The following RHBDD1 variants were observed in gnomAD, a reference collection of about 807,000 sequenced individuals.
RHBDD1 encodes rhomboid domain containing 1.
A neutral mutation model predicts 36.3 loss-of-function variants in RHBDD1; 38 were observed. The ratio of observed to expected loss-of-function variants is 1.05; its 90% CI spans 0.81 to 1.37. RHBDD1 has a LOEUF of 1.37. RHBDD1 is among the 40% of genes most tolerant of loss of function. RHBDD1 has a pLI of 0.00. For missense variants in RHBDD1, 393 were observed against 377.6 expected (o/e 1.04, Z -0.34); for synonymous variants, 151 against 136.5 (o/e 1.11, Z -0.74).
intron 8 of RHBDD1, among the ~76,000 whole-genome samples, chr2:226,990,038 T>G (rs1957832546): frequency 6.6e-6 from 1 of 152,228 alleles, no homozygotes; most frequent in Non-Finnish European, 1.5e-5. Context: ...AAACCAAAAC[T>G]GAAATTTCCA....
the RHBDD1 span, among the ~76,000 whole-genome samples, chr2:226,815,946 TTTA>T: frequency 1.3e-5 from 2 of 152,240 alleles, no homozygotes; most frequent in African/African-American, 4.8e-5. Context: ...ACAGAATCTA[TTTA>T]TTGCTTTAGG....
the RHBDD1 span, among the ~76,000 whole-genome samples, chr2:226,802,661 A>G: frequency 6.6e-6 from 1 of 152,198 alleles, no homozygotes; most frequent in Admixed American, 6.5e-5. Context: ...ACGGAACAGA[A>G]GAACAAGCTA....
At chr2:226,869,790 T>C (rs1944635154) in intron 5 of RHBDD1, among the ~76,000 whole-genome samples, 1 of 152,164 alleles carries the variant, frequency 6.6e-6, no homozygotes, top group African/African-American at 2.4e-5. Context: ...GTTGCTCTGC[T>C]TCACATCCGG....
intron 7 of RHBDD1, among the ~76,000 whole-genome samples, chr2:226,910,015 G>T (rs1178067812): frequency 6.6e-6 from 1 of 152,196 alleles, no homozygotes; most frequent in Non-Finnish European, 1.5e-5. Context: ...AAAGCTGCCA[G>T]AGACAATATG....
At chr2:226,897,131 C>T (rs1413950150) in intron 5 of RHBDD1, among the ~76,000 whole-genome samples, 2 of 152,200 alleles carry the variant, frequency 1.3e-5, no homozygotes, top group Non-Finnish European at 2.9e-5. Flanking sequence ...CCAAATTCTT[C>T]CTGCCTCAAG....
At chr2:226,982,161 C>T (rs2149446706) in intron 8 of RHBDD1, among the ~76,000 whole-genome samples, 1 of 152,374 alleles carries the variant, frequency 6.6e-6, no homozygotes, top group Admixed American at 6.5e-5. Flanking sequence ...GGGAGGTTCC[C>T]AGTGATTCCC....
rs558516349 is a variant in RHBDD1 at position 226,891,403 on chromosome 2, C to T, written c.567-15390C>T. On this transcript the variant is annotated intron_variant, in intron 5 of 8. Transcript: ENST00000392062. Reference sequence around the variant, plus strand: ...GAGTCTGCTAGTGAGGCAGAAATTACAGTCTTATGTAATATTAATAGCATA... The same window carrying T: ...GAGTCTGCTAGTGAGGCAGAAATTATAGTCTTATGTAATATTAATAGCATA... 9.8e-5 allele frequency among the ~76,000 whole-genome samples: 15 copies of T among 152,354 alleles called. No individual in the cohort carries two copies. The South Asian group carries it at 3.1e-3, about 32-fold the overall frequency.
intron 5 of RHBDD1, among the ~76,000 whole-genome samples, chr2:226,874,159 G>A (rs1574903984): frequency 6.6e-6 from 1 of 152,122 alleles, no homozygotes; most frequent in Admixed American, 6.6e-5. Flanking sequence ...CTTGACACAT[G>A]AGGAGTATAT....
chr2:226,812,239 T>TA, the RHBDD1 span, among the ~76,000 whole-genome samples: 1 of 152,120 alleles, frequency 6.6e-6, no homozygotes, highest in Admixed American at 6.5e-5. Flanking sequence ...AAACTGACTT[T>TA]AAAAAAATGG....
intron 5 of RHBDD1, among the ~76,000 whole-genome samples, chr2:226,876,359 G>A (rs920926410): frequency 2.0e-5 from 3 of 152,210 alleles, no homozygotes; most frequent in African/African-American, 7.2e-5. Flanking sequence ...GCAGCCTCAC[G>A]GGAGAGCAGT....
intron 8 of RHBDD1, among the ~76,000 whole-genome samples, chr2:226,923,348 C>T (rs1001459844): frequency 9.2e-5 from 14 of 152,088 alleles, no homozygotes; most frequent in African/African-American, 3.4e-4. Flanking sequence ...ATGCCATTCT[C>T]TCCTTGCCTG....
chr2:226,885,219 CTT>C (rs1021312037), intron 5 of RHBDD1, among the ~76,000 whole-genome samples: 3 of 152,054 alleles, frequency 2.0e-5, no homozygotes, highest in African/African-American at 7.2e-5. Context: ...TTTACATAAA[CTT>C]TTGATGGGGC....
intron 8 of RHBDD1, among the ~76,000 whole-genome samples, chr2:226,939,100 A>G (rs1950517721): frequency 6.6e-6 from 1 of 152,234 alleles, no homozygotes; most frequent in South Asian, 2.1e-4. Context: ...AAAAACTGTC[A>G]ATAAACTAGG....
At chr2:226,956,145 C>CCT (rs909868501) in intron 8 of RHBDD1, among the ~76,000 whole-genome samples, 1 of 152,112 alleles carries the variant, frequency 6.6e-6, no homozygotes, top group African/African-American at 2.4e-5. Flanking sequence ...TACCATTGAA[C>CCT]CTCACACTGT....
rs141821983 is a variant in RHBDD1 at position 226,928,546 on chromosome 2, A to T, written c.856+14195A>T. Among the ~76,000 whole-genome samples the T allele has an allele frequency of 2.4e-3, 358 of 152,220 alleles. 4 individuals are homozygous for T. Among genetic ancestry groups the T allele is most frequent in the African/African-American group, 8.2e-3 (341 of 41,570 alleles). On this transcript the variant is annotated intron_variant, in intron 8 of 8. Transcript: ENST00000392062. ...TTATAGGGCTAAATGCCTACATCAG[A>T]AAGTCTGAAAGATCACAAATTGACA...
At chr2:226,848,925 C>G (rs1447950012) in intron 3 of RHBDD1, among the ~76,000 whole-genome samples, 2 of 152,112 alleles carry the variant, frequency 1.3e-5, no homozygotes, top group African/African-American at 2.4e-5. Context: ...TACAGATTAA[C>G]TAGTAATGTG....
Position 226,867,517 on chromosome 2 carries a change from G to C in RHBDD1, c.566+199G>C, listed in dbSNP as rs1035606473. On this transcript the variant is annotated intron_variant, in intron 5 of 8. Transcript: ENST00000392062. The stretch of plus-strand genomic sequence containing the variant: ...TTCAACTATTAAGCTGTATAATTTT[G>C]GGTCACTTGTCTTAACTGAGTTGCA... 11 of 901,886 alleles carry C rather than the reference G, an allele frequency of 1.2e-5. No homozygotes were observed. In the Admixed American group the frequency reaches 5.6e-4, roughly 46 times the overall value. The allele number at this position is 901,886 out of a possible 1,614,324, so 55.9% of individuals were successfully genotyped here.
intron 5 of RHBDD1, among the ~76,000 whole-genome samples, chr2:226,883,471 C>T (rs938694227): frequency 5.3e-5 from 8 of 152,190 alleles, no homozygotes; most frequent in African/African-American, 1.9e-4. Flanking sequence ...CCCAATTGGC[C>T]TGCTCAGAAT....
At chr2:226,924,348 G>A (rs775068446) in intron 8 of RHBDD1, among the ~76,000 whole-genome samples, 4 of 152,096 alleles carry the variant, frequency 2.6e-5, no homozygotes, top group Non-Finnish European at 4.4e-5. Flanking sequence ...GACTCTGCTC[G>A]GTACCCTATC....
Sources: gnomAD v4.1 joint callset for allele counts (sites outside exome capture counted in the v4.1 genomes callset) on GRCh38, gnomAD v4.1.1 for gene constraint, MANE v1.5 for transcripts, NCBI Gene and HGNC (gene_info 2026-07-23, HGNC 2026-07-21) for gene names.